Variants in SNRNP27 observed in about 807,000 individuals in gnomAD.
The protein encoded by SNRNP27 is small nuclear ribonucleoprotein U4/U6.U5 subunit 27.
A neutral mutation model predicts 25.1 loss-of-function variants in SNRNP27; 22 were observed. The observed-to-expected ratio is 0.88, with a 90% CI of 0.63 to 1.25. The LOEUF is 1.25. SNRNP27 is among the 50% of genes most tolerant of loss of function. The pLI is 0.00. For missense variants in SNRNP27, 150 were observed against 202.3 expected, an observed-to-expected ratio of 0.74 and a Z score of 1.57; for synonymous variants, 66 against 64.9, an observed-to-expected ratio of 1.02 and a Z score of -0.08.
Position 69,898,030 on chromosome 2 carries a change from G to T in SNRNP27, c.348+574G>T. 2.0e-5 allele frequency among the ~76,000 whole-genome samples: 2 copies of T among 100,550 alleles called. 1 individual carries two copies. The highest frequency in any genetic ancestry group is 3.7e-5 in the Non-Finnish European group (2 of 54,140). The allele number at this position is 100,550 out of a possible 152,430, so 66.0% of individuals were successfully genotyped here. A position where few individuals can be genotyped will look rare whatever the true frequency, so the allele number is the denominator to read the frequency against. The stretch of plus-strand genomic sequence containing the variant: ...TGGGAGGTGGGTTAGATTGAAGGCA[G>T]GGAGAACTGCTGATTTGTGCAAGTG... On this transcript the variant is annotated intron_variant, in intron 4 of 5. Coordinates refer to ENST00000244227, the MANE Select transcript of SNRNP27 (RefSeq NM_006857.3).
chr2:69,897,921 G>GGGATGGAGGAGGGAGGGTGTGTGGA (rs1207031515), intron 4 of SNRNP27, among the ~76,000 whole-genome samples: 1 of 111,546 alleles, frequency 9.0e-6, no homozygotes, highest in African/African-American at 5.0e-5. Context: ...TTGAGGAGAG[G>GGGATGGAGGAGGGAGGGTGTGTGGA]AAGTAGTGAT....
intron 2 of SNRNP27, 77 bp from the exon 3 acceptor site, chr2:69,896,359 C>T: frequency 7.5e-7 from 1 of 1,332,172 alleles, no homozygotes; most frequent in East Asian, 2.3e-5. Flanking sequence ...GTGGAGCTCA[C>T]CTCATGTATA....
chr2:69,899,984 A>ATT (rs56983328), intron 4 of SNRNP27, among the ~76,000 whole-genome samples: 28 of 144,800 alleles, frequency 1.9e-4, no homozygotes, highest in East Asian at 6.0e-4. Context: ...GCCTCAGTCC[A>ATT]TTTTTTTTTT....
intron 3 of SNRNP27, 78 bp downstream of exon 3, chr2:69,896,626 A>C (rs1381124609): frequency 4.3e-6 from 6 of 1,385,498 alleles, no homozygotes; most frequent in Non-Finnish European, 5.8e-6. Flanking sequence ...GAACATTTAA[A>C]TGTTAAGCCT....
intron 4 of SNRNP27, 186 bp downstream of exon 4, chr2:69,897,642 A>T (rs772872576): frequency 1.8e-6 from 1 of 561,280 alleles, no homozygotes. Context: ...GTTGCCAGGG[A>T]CGATGTTTGA....
At chr2:69,902,675 CTG>C in intron 4 of SNRNP27, among the ~76,000 whole-genome samples, 2 of 151,984 alleles carry the variant, frequency 1.3e-5, no homozygotes, top group African/African-American at 4.8e-5. Flanking sequence ...GCTCCTTCTG[CTG>C]CTCCTTCTGC....
At chr2:69,902,209 T>TCCTCCTC (rs1676710822) in intron 4 of SNRNP27, among the ~76,000 whole-genome samples, 1 of 97,102 alleles carries the variant, frequency 1.0e-5, no homozygotes, top group Non-Finnish European at 2.0e-5. Context: ...CCTTCCTCCT[T>TCCTCCTC]CCTCCTCCCT....
intron 3 of SNRNP27, 81 bp from the exon 4 acceptor site, chr2:69,897,296 A>G (rs532060045): frequency 9.8e-5 from 91 of 929,780 alleles, no homozygotes; most frequent in Non-Finnish European, 1.4e-4. Flanking sequence ...TGGAATGACT[A>G]TTAATCTGTT....
At chr2:69,895,301 A>G (rs1676580724) in intron 2 of SNRNP27, 87 bp downstream of exon 2, 8 of 1,494,148 alleles carry the variant, frequency 5.4e-6, no homozygotes, top group Admixed American at 4.5e-5. Flanking sequence ...TTCATCGCTT[A>G]TAAGGGGATT....
At chr2:69,897,565 A>G (rs996328974) in intron 4 of SNRNP27, 109 bp downstream of exon 4, 8 of 885,008 alleles carry the variant, frequency 9.0e-6, no homozygotes, top group Admixed American at 4.2e-5. Context: ...GACAATAACT[A>G]TCTGTTTGAA....
intron 3 of SNRNP27, 112 bp from the exon 4 acceptor site, chr2:69,897,265 G>T: frequency 1.5e-6 from 1 of 659,302 alleles, no homozygotes. Flanking sequence ...TAATTGTTTT[G>T]TGTGTTCTCT....
intron 1 of SNRNP27, among the ~76,000 whole-genome samples, chr2:69,894,326 G>T (rs1462801683): frequency 1.3e-5 from 2 of 152,120 alleles, no homozygotes; most frequent in Non-Finnish European, 2.9e-5. Context: ...TGAATTTCTG[G>T]GCGACGGTGG....
chr2:69,897,092 A>G (rs564175255), intron 3 of SNRNP27, among the ~76,000 whole-genome samples: 6 of 152,288 alleles, frequency 3.9e-5, no homozygotes, highest in African/African-American at 1.4e-4. Flanking sequence ...AGAACTATAT[A>G]GTGTCATGCC....
intron 5 of SNRNP27, 36 bp from the exon 6 acceptor site, chr2:69,904,218 T>TA (rs531645680): frequency 8.7e-4 from 1,234 of 1,425,578 alleles, no homozygotes; most frequent in Non-Finnish European, 1.0e-3. Flanking sequence ...AGTATAGGAT[T>TA]AAAAAAAAAC....
At chr2:69,894,981 T>G in intron 1 of SNRNP27, 113 bp from the exon 2 acceptor site, 3 of 1,446,762 alleles carry the variant, frequency 2.1e-6, no homozygotes, top group African/African-American at 1.4e-5. Flanking sequence ...CCCAGCCTCT[T>G]TTTACCTTTT....
chr2:69,895,021 T>C, intron 1 of SNRNP27, 73 bp from the exon 2 acceptor site: 1 of 1,582,638 alleles, frequency 6.3e-7, no homozygotes. Flanking sequence ...TTGCATTATT[T>C]TTCTACTGGA....
At chr2:69,894,987 C>T in intron 1 of SNRNP27, 107 bp from the exon 2 acceptor site, 1 of 1,475,820 alleles carries the variant, frequency 6.8e-7, no homozygotes, top group East Asian at 2.3e-5. Context: ...CTCTTTTTAC[C>T]TTTTTAATGT....
intron 2 of SNRNP27, among the ~76,000 whole-genome samples, chr2:69,895,705 C>T (rs1280532852): frequency 1.3e-5 from 2 of 152,128 alleles, no homozygotes; most frequent in Admixed American, 1.3e-4. Flanking sequence ...ACTACAGGCA[C>T]ATGCCACCAC....
intron 2 of SNRNP27, 50 bp from the exon 3 acceptor site, chr2:69,896,386 C>T (rs771133379): frequency 6.4e-7 from 1 of 1,564,884 alleles, no homozygotes; most frequent in East Asian, 2.2e-5. Flanking sequence ...CTGATTGATA[C>T]AAAGTTGATA....
Sources: allele counts gnomAD v4.1 joint callset (sites outside exome capture counted in the v4.1 genomes callset), GRCh38; gene constraint gnomAD v4.1.1; transcripts MANE v1.5; gene names NCBI Gene and HGNC (gene_info 2026-07-23, HGNC 2026-07-21).